CUX2: variants seen among roughly 807,000 people sequenced by gnomAD.
CUX2 encodes the protein homeobox protein cut-like 2.
A neutral mutation model predicts 144.8 loss-of-function variants in CUX2; 40 were observed. The observed-to-expected ratio is 0.28, with a 90% CI of 0.21 to 0.36. The LOEUF (loss-of-function observed/expected upper bound fraction) is 0.36, where lower values mean the gene tolerates loss of function less well. Among genes scored for constraint, CUX2 ranks in the 10% least tolerant of loss-of-function variants. CUX2 has a pLI of 1.00. For missense variants in CUX2, 1,615 were observed against 1,994.0 expected, an observed-to-expected ratio of 0.81 and a Z score of 3.62; for synonymous variants, 827 against 875.6, an observed-to-expected ratio of 0.94 and a Z score of 0.98.
chr12:111,205,086 G>T (rs945654446), intron 1 of CUX2, among the ~76,000 whole-genome samples: 1 of 152,054 alleles, frequency 6.6e-6, no homozygotes, highest in Non-Finnish European at 1.5e-5. Flanking sequence ...CTGGTAACCC[G>T]GGCTGTCTCC....
At chr12:111,163,978 C>T (rs1042442734) in intron 1 of CUX2, among the ~76,000 whole-genome samples, 1 of 152,146 alleles carries the variant, frequency 6.6e-6, no homozygotes, top group African/African-American at 2.4e-5. Context: ...TCTCCATGAA[C>T]CTTAATCCCT....
rs375345059 is a variant in CUX2, at chr12:111,067,982, G to A, written c.63+33742G>A. Among the ~76,000 whole-genome samples the A allele has an allele frequency of 1.8e-4, 27 of 152,176 alleles. No individual in the cohort carries two copies. In the East Asian group the frequency reaches 3.9e-3, roughly 22 times the overall value. Reference sequence around the variant, plus strand: ...ACCCCCTGCCTCAGATTCTTTTCAGGGCAGCCCATCACGACCCCTCTAGCA... The same window carrying A: ...ACCCCCTGCCTCAGATTCTTTTCAGAGCAGCCCATCACGACCCCTCTAGCA... On this transcript the variant is annotated intron_variant, in intron 1 of 21. Coordinates refer to ENST00000261726, the MANE Select transcript of CUX2 (RefSeq NM_015267.4).
chr12:111,061,439 G>C lies in CUX2; in HGVS notation c.63+27199G>C, dbSNP rs571414576. Among the ~76,000 whole-genome samples, 3 of 152,258 alleles carry C rather than the reference G, an allele frequency of 2.0e-5. No individual in the cohort carries two copies. The highest frequency in any genetic ancestry group is 2.1e-4 in the South Asian group (1 of 4,818). On this transcript the variant is annotated intron_variant, in intron 1 of 21. Transcript: ENST00000261726. This position sits in a 1 kb window ranked among gnomAD's most constrained non-coding sequence, Gnocchi z 4.2. ...ATCCCACGACTGCAAGTGAAAGAAG[G>C]GCTTTTTAAAAGTAATTTTGCATTA...
At chr12:111,168,995 T>A (rs1304606376) in intron 1 of CUX2, among the ~76,000 whole-genome samples, 1 of 151,944 alleles carries the variant, frequency 6.6e-6, no homozygotes, top group Non-Finnish European at 1.5e-5. Flanking sequence ...CTCACCTCTG[T>A]CCTGCATTGA....
Position 111,193,789 on chromosome 12 carries a change from G to A in CUX2, c.64-20411G>A, listed in dbSNP as rs1880052041. The stretch of plus-strand genomic sequence containing the variant: ...CCTCCTGATGAGATGTCAAGGTCGG[G>A]GGAAGCCGGCTGCGATGGGCAAAGG... On this transcript the variant is annotated intron_variant, in intron 1 of 21. Transcript: ENST00000261726. 2.6e-5 allele frequency among the ~76,000 whole-genome samples: 4 copies of A among 152,184 alleles called. No individual in the cohort carries two copies. The South Asian group carries it at 8.3e-4, about 32-fold the overall frequency.
chr12:111,341,962 G>C lies in CUX2; in HGVS notation c.3568G>C (p.Glu1190Gln), dbSNP rs772652097. Residue 1190 changes from glutamate to glutamine, a missense_variant, in exon 21 of 22, where the codon GAA becomes CAA. Glu to Gln is a conservative substitution (Grantham distance 29, BLOSUM62 2). Transcript: ENST00000261726. ...KEALRKAYQL[E>Q]PYPSQQTIEL... The stretch of plus-strand genomic sequence containing the variant: ...GGCACTGCGGAAGGCCTATCAGCTG[G>C]AACCCTACCCCTCGCAGCAGACCAT... 1 of 1,614,054 alleles carries C rather than the reference G, an allele frequency of 6.2e-7. No individual in the cohort carries two copies. Among genetic ancestry groups the C allele is most frequent in the Non-Finnish European group, 8.5e-7 (1 of 1,180,028 alleles).
chr12:111,324,272 C>G (rs1887670182), intron 18 of CUX2, among the ~76,000 whole-genome samples: 1 of 150,830 alleles, frequency 6.6e-6, no homozygotes, highest in South Asian at 2.1e-4. Flanking sequence ...ATCACATGAC[C>G]TGGGAGGCAG....
rs529668291 is a variant in CUX2, at chr12:111,280,220, C to G, written c.302-11198C>G. Among the ~76,000 whole-genome samples the G allele has an allele frequency of 9.4e-4, 143 of 151,354 alleles. 1 individual carries two copies. Among genetic ancestry groups the G allele is most frequent in the Non-Finnish European group, 1.7e-3 (116 of 67,798 alleles). On this transcript the variant is annotated intron_variant, in intron 4 of 21. Transcript: ENST00000261726. ...AGGAGAATCGCTTGAACCCGGGAGA[C>G]GGAGGTTGCAGTGAGCCAAGATCGC...
At chr12:111,292,074 A>G (rs883464) in intron 5 of CUX2, among the ~76,000 whole-genome samples, 8,272 of 152,290 alleles carry the variant, frequency 0.054, 619 homozygotes, top group African/African-American at 0.17. Context: ...CACATGACCC[A>G]GCAGCGCCAC....
At chr12:111,213,919 GA>G (rs368534671) in intron 1 of CUX2, among the ~76,000 whole-genome samples, 6 of 144,666 alleles carry the variant, frequency 4.1e-5, no homozygotes, top group Non-Finnish European at 6.1e-5. Context: ...GGAAGAGATG[GA>G]AAAAAAAAAC....
intron 1 of CUX2, among the ~76,000 whole-genome samples, chr12:111,156,275 C>G (rs1370409910): frequency 6.6e-6 from 1 of 152,124 alleles, no homozygotes; most frequent in Non-Finnish European, 1.5e-5. Flanking sequence ...CAGGAATGTT[C>G]CCCTTTTGCT....
At chr12:111,139,680 G>T (rs1057015207) in intron 1 of CUX2, among the ~76,000 whole-genome samples, 1 of 152,174 alleles carries the variant, frequency 6.6e-6, no homozygotes, top group Non-Finnish European at 1.5e-5. Context: ...TATACAAAGT[G>T]GATGAACAAA....
chr12:111,051,697 C>G (rs564469149), intron 1 of CUX2, among the ~76,000 whole-genome samples: 1 of 152,220 alleles, frequency 6.6e-6, no homozygotes, highest in South Asian at 2.1e-4. Context: ...AAACTCTGCT[C>G]TTTGATTGGA....
chr12:111,234,623 G>A (rs563098566), intron 3 of CUX2, among the ~76,000 whole-genome samples: 22 of 152,294 alleles, frequency 1.4e-4, no homozygotes, highest in Non-Finnish European at 2.2e-4. Context: ...AATGAAGAGT[G>A]GTGGTGAGCA....
intron 3 of CUX2, among the ~76,000 whole-genome samples, chr12:111,226,806 G>C (rs1882171723): frequency 6.6e-6 from 1 of 152,214 alleles, no homozygotes; most frequent in Admixed American, 6.5e-5. Context: ...CGCTCCAGCC[G>C]CGTGGCAGTA....
intron 1 of CUX2, among the ~76,000 whole-genome samples, chr12:111,055,723 G>A (rs992122557): frequency 1.3e-5 from 2 of 152,134 alleles, no homozygotes; most frequent in African/African-American, 2.4e-5. Context: ...TCCCATCGGC[G>A]CACGTTTCCT....
intron 2 of CUX2, among the ~76,000 whole-genome samples, chr12:111,216,189 T>A (rs1881519271): frequency 6.6e-6 from 1 of 152,142 alleles, no homozygotes; most frequent in Non-Finnish European, 1.5e-5. Context: ...CTCAGATACT[T>A]GAGTGTGGGG....
chr12:111,155,504 C>T (rs1199605825), intron 1 of CUX2, among the ~76,000 whole-genome samples: 2 of 152,184 alleles, frequency 1.3e-5, no homozygotes, highest in Non-Finnish European at 2.9e-5. Flanking sequence ...CAGACTTGCA[C>T]TCCCAATGAA....
chr12:111,035,955 C>CAG lies in CUX2; in HGVS notation c.63+1732_63+1733dup, dbSNP rs150010371. ...TCTGGAAGAGTGGGGGTTATGGAGG[C>CAG]AGAGAGAGAGAGAGAGAGGGAGAAT... On this transcript the variant is annotated intron_variant, in intron 1 of 21. Transcript: ENST00000261726. This position sits in a 1 kb window ranked among gnomAD's most constrained non-coding sequence, Gnocchi z 6.0. Among the ~76,000 whole-genome samples, 567 of 150,562 alleles carry CAG rather than the reference C, an allele frequency of 3.8e-3. 2 individuals carry two copies. Among genetic ancestry groups the CAG allele is most frequent in the East Asian group, 9.4e-3 (48 of 5,114 alleles).
Sources: allele counts gnomAD v4.1 joint callset (sites outside exome capture counted in the v4.1 genomes callset), GRCh38; gene constraint gnomAD v4.1.1; non-coding constraint Gnocchi (gnomAD v3.1); transcripts MANE v1.5; gene names NCBI Gene and HGNC (gene_info 2026-07-23, HGNC 2026-07-21).